FSD1L: variants seen among roughly 807,000 people sequenced by gnomAD.
FSD1L encodes the protein fibronectin type III and SPRY domain containing 1 like.
FSD1L carries 45 observed loss-of-function variants against 71.6 expected under a neutral mutation model. That is an observed-to-expected ratio of 0.63 (90% CI 0.49 to 0.81). FSD1L has a LOEUF of 0.81. FSD1L is among the 30% of genes least tolerant of loss of function. The pLI is 0.00. For synonymous variants in FSD1L, 197 were observed against 207.2 expected, an observed-to-expected ratio of 0.95 and a Z score of 0.42; for missense variants, 561 against 618.1, an observed-to-expected ratio of 0.91 and a Z score of 0.98.
At chr9:105,483,484 C>G (rs1277282158) in intron 6 of FSD1L, among the ~76,000 whole-genome samples, 1 of 152,070 alleles carries the variant, frequency 6.6e-6, no homozygotes, top group African/African-American at 2.4e-5. Context: ...TGTAGTACTT[C>G]TGATCATTCT....
At chr9:105,464,213 T>C in intron 2 of FSD1L, 23 bp from the exon 3 acceptor site, 5 of 1,229,828 alleles carry the variant, frequency 4.1e-6, no homozygotes, top group Non-Finnish European at 5.7e-6. Flanking sequence ...AATATAGTAT[T>C]TTAATGCTTT....
At chr9:105,542,517 G>T (rs1052001031) in intron 13 of FSD1L, among the ~76,000 whole-genome samples, 1 of 151,986 alleles carries the variant, frequency 6.6e-6, no homozygotes. Context: ...ACAGTGGTGC[G>T]ATCACAGCTC....
chr9:105,460,874 G>C (rs1381532918), intron 1 of FSD1L, among the ~76,000 whole-genome samples: 2 of 152,128 alleles, frequency 1.3e-5, no homozygotes, highest in African/African-American at 4.8e-5. Context: ...CTTCTGTTAT[G>C]GTATTGGACC....
chr9:105,447,521 C>T (rs1011143283), upstream of FSD1L, among the ~76,000 whole-genome samples: 1 of 151,922 alleles, frequency 6.6e-6, no homozygotes, highest in Non-Finnish European at 1.5e-5. Flanking sequence ...ATGGGTGGGT[C>T]CCCGGGAAAA....
chr9:105,522,630 C>T, intron 10 of FSD1L: 2 of 1,612,600 alleles, frequency 1.2e-6, no homozygotes, highest in Non-Finnish European at 1.7e-6. Context: ...GCAGCCATTG[C>T]CTTGAAGTAG....
chr9:105,493,209 G>C (rs1035086449), intron 7 of FSD1L, among the ~76,000 whole-genome samples: 1 of 151,924 alleles, frequency 6.6e-6, no homozygotes, highest in Non-Finnish European at 1.5e-5. Context: ...ATATATTTAG[G>C]CTAGTTAGCT....
At chr9:105,476,126 A>G (rs1180228919) in intron 5 of FSD1L, among the ~76,000 whole-genome samples, 2 of 152,196 alleles carry the variant, frequency 1.3e-5, no homozygotes, top group Non-Finnish European at 2.9e-5. Flanking sequence ...TTGGGAAAAG[A>G]TCTGTTAACT....
At chr9:105,464,902 C>T (rs370569370) in intron 3 of FSD1L, among the ~76,000 whole-genome samples, 51 of 152,184 alleles carry the variant, frequency 3.4e-4, no homozygotes, top group African/African-American at 9.1e-4. Flanking sequence ...ATCGTCTGAG[C>T]CCAGGACGTC....
intron 10 of FSD1L, chr9:105,522,815 T>G: frequency 6.2e-7 from 1 of 1,613,442 alleles, no homozygotes. Context: ...ATGCCTCGAC[T>G]ATGACAAGAA....
At position 105,484,506 on chromosome 9, in the gene FSD1L, A is replaced by G; in HGVS notation, c.586+4A>G. ...CAAACTTTGAAGTTTTTGCCAGGTA[A>G]ATACATGTATTACATGTAAAGTTTT... On this transcript the variant is annotated splice_donor_region_variant and intron_variant, in intron 7 of 13. Coordinates refer to ENST00000481272, the MANE Select transcript of FSD1L (RefSeq NM_001145313.3). 6.6e-7 allele frequency: 1 copy of G among 1,506,548 alleles called. No homozygotes were observed. Among genetic ancestry groups the G allele is most frequent in the South Asian group, 1.3e-5 (1 of 74,696 alleles). The allele number at this position is 1,506,548 out of a possible 1,614,324, so 93.3% of individuals were successfully genotyped here.
chr9:105,496,127 T>G (rs939648997), intron 7 of FSD1L, among the ~76,000 whole-genome samples: 1 of 152,108 alleles, frequency 6.6e-6, no homozygotes, highest in African/African-American at 2.4e-5. Context: ...TACTGTTTCT[T>G]TCATGAAGCT....
chr9:105,449,609 T>G (rs1285450561), intron 1 of FSD1L, among the ~76,000 whole-genome samples: 8 of 152,230 alleles, frequency 5.3e-5, no homozygotes, highest in African/African-American at 1.9e-4. Context: ...AGTAAGAGTA[T>G]TTTATAGTGT....
chr9:105,521,302 A>G, intron 10 of FSD1L: 2 of 1,614,248 alleles, frequency 1.2e-6, no homozygotes, highest in Non-Finnish European at 1.7e-6. Flanking sequence ...GAAGAAAGCA[A>G]AAATGATAAT....
intron 13 of FSD1L, 149 bp from the exon 14 acceptor site, chr9:105,546,209 A>G: frequency 1.4e-6 from 1 of 694,310 alleles, no homozygotes; most frequent in South Asian, 2.5e-5. Context: ...TAGTCTTTCC[A>G]TTTCCCCTCA....
At chr9:105,483,114 CA>C (rs1832319184) in intron 6 of FSD1L, among the ~76,000 whole-genome samples, 1 of 152,162 alleles carries the variant, frequency 6.6e-6, no homozygotes, top group African/African-American at 2.4e-5. Context: ...AAATACTCAG[CA>C]TTATACTTGG....
Position 105,471,195 on chromosome 9 carries a change from T to C in FSD1L, c.340-709T>C, listed in dbSNP as rs988925866. Among the ~76,000 whole-genome samples, 3 of 152,388 alleles carry C rather than the reference T, an allele frequency of 2.0e-5. No individual in the cohort carries two copies. In the South Asian group the frequency reaches 6.2e-4, roughly 32 times the overall value. ...TCCCATCAAGTACCAAAAAGTCTTT[T>C]GCATATTGAGTGTGCATTATGCATC... On this transcript the variant is annotated intron_variant, in intron 4 of 13. Transcript: ENST00000481272.
intron 10 of FSD1L, chr9:105,520,076 G>A (rs970278590): frequency 1.3e-6 from 2 of 1,561,778 alleles, no homozygotes; most frequent in Non-Finnish European, 1.7e-6. Context: ...ACTTTCTGCC[G>A]CTGGGAGCCG....
In FSD1L at chr9:105,492,575, C is replaced by G. The variant is rs140021901; in HGVS notation, c.586+8073C>G. On this transcript the variant is annotated intron_variant, in intron 7 of 13. Transcript: ENST00000481272. ...TGTGTTTGCTCTTGCTTTTCTAGTT[C>G]TTTTAATTGTGATGTTAGGGTGTGA... Among the ~76,000 whole-genome samples, 474 of 152,196 alleles carry G rather than the reference C, an allele frequency of 3.1e-3. 5 individuals are homozygous for G. Among genetic ancestry groups the G allele is most frequent in the African/African-American group, 0.011 (445 of 41,496 alleles).
chr9:105,488,840 C>G (rs1158945427), intron 7 of FSD1L, among the ~76,000 whole-genome samples: 1 of 123,428 alleles, frequency 8.1e-6, no homozygotes. Flanking sequence ...TTTTTTGGTA[C>G]TACTTATGTT....
Sources: gnomAD v4.1 joint callset for allele counts (sites outside exome capture counted in the v4.1 genomes callset) on GRCh38, gnomAD v4.1.1 for gene constraint, MANE v1.5 for transcripts, NCBI Gene and HGNC (gene_info 2026-07-23, HGNC 2026-07-21) for gene names.